Variants in ADCY1 observed in about 807,000 individuals in gnomAD.
The protein encoded by ADCY1 is adenylate cyclase 1, also known as adenylate cyclase type 1.
In ADCY1, 28 loss-of-function variants were observed where a neutral mutation model predicts 105.4. That is an observed-to-expected ratio of 0.27 (90% CI 0.20 to 0.36). The LOEUF is 0.36. ADCY1 is among the 10% of genes least tolerant of loss of function. The pLI, the probability that ADCY1 is intolerant of heterozygous loss-of-function variation, is 1.00. For synonymous variants in ADCY1, 655 were observed against 623.8 expected (o/e 1.05, Z -0.75); for missense variants, 977 against 1,434.2 (o/e 0.68, Z 5.15).
chr7:45,664,363 A>G, intron 8 of ADCY1: 1 of 1,536,050 alleles, frequency 6.5e-7, no homozygotes, highest in Non-Finnish European at 8.7e-7. Flanking sequence ...AACGGGGACG[A>G]CTGTGCACGT....
Position 45,657,899 on chromosome 7 carries a change from G to T in ADCY1, c.1307+14G>T, listed in dbSNP as rs886629273. On this transcript the variant is annotated intron_variant, in intron 6 of 19. Transcript: ENST00000297323. ...TGGCCTGCCAGGGTAAGTCGGGGAT[G>T]GGGTGGGGAGGGGAGGGAGGTGGGT... 2.5e-6 allele frequency: 4 copies of T among 1,578,956 alleles called. No individual in the cohort carries two copies. The highest frequency in any genetic ancestry group is 3.5e-6 in the Non-Finnish European group (4 of 1,156,548).
intron 19 of ADCY1, among the ~76,000 whole-genome samples, chr7:45,711,897 T>TTATATTAAATATATAAATATATTA (rs1379609351): frequency 1.0e-3 from 76 of 73,584 alleles, no homozygotes; most frequent in Non-Finnish European, 1.9e-3. Context: ...TATTTATATA[T>TTATATTAAATATATAAATATATTA]TATATTAAAT....
chr7:45,586,478 A>C lies in ADCY1; in HGVS notation c.640-6281A>C, dbSNP rs1053886913. On this transcript the variant is annotated intron_variant, in intron 1 of 19. Coordinates refer to ENST00000297323, the MANE Select transcript of ADCY1 (RefSeq NM_021116.4). Reference sequence around the variant, plus strand: ...CAAAAGTAGAGAGACCAGCACAGTGATTTCTTGAGTACCCATCACTGGCTC... The same window carrying C: ...CAAAAGTAGAGAGACCAGCACAGTGCTTTCTTGAGTACCCATCACTGGCTC... Among the ~76,000 whole-genome samples the C allele has an allele frequency of 5.9e-5, 9 of 152,348 alleles. No homozygotes were observed. The South Asian group carries it at 1.0e-3, about 18-fold the overall frequency.
At chr7:45,695,604 T>G (rs1224336879) in intron 14 of ADCY1, among the ~76,000 whole-genome samples, 3 of 152,234 alleles carry the variant, frequency 2.0e-5, no homozygotes, top group Non-Finnish European at 4.4e-5. Context: ...AGATTTCATA[T>G]GCATGTGTGG....
At position 45,574,936 on chromosome 7, in the gene ADCY1, C is replaced by G. The variant is rs753381717; in HGVS notation, c.393C>G (p.Leu131=). The change falls in exon 1 of 20, where the codon CTC becomes CTG. Residue 131 remains leucine, a synonymous_variant. Transcript: ENST00000297323. The surrounding 1 kb of genome is among the most constrained non-coding windows in gnomAD (Gnocchi z 7.0). Reference sequence around the variant, plus strand: ...GCCAGCTGGCGCTGCTCTTCAGCCTCACCTTCGCGCTGCTCTGCTGTCCTT... The same window carrying G: ...GCCAGCTGGCGCTGCTCTTCAGCCTGACCTTCGCGCTGCTCTGCTGTCCTT... ...QVGQLALLFS[L]TFALLCCPFA... is the part of the protein sequence containing the mutation. 4.3e-6 allele frequency: 7 copies of G among 1,612,002 alleles called. No individual in the cohort carries two copies. The South Asian group carries it at 7.7e-5, about 18-fold the overall frequency.
intron 4 of ADCY1, among the ~76,000 whole-genome samples, chr7:45,624,745 G>T (rs1471682007): frequency 6.6e-6 from 1 of 152,122 alleles, no homozygotes; most frequent in Non-Finnish European, 1.5e-5. Flanking sequence ...TTGTGTCCTG[G>T]GCCTGCTCCT....
chr7:45,593,961 G>A (rs989793113), intron 2 of ADCY1, among the ~76,000 whole-genome samples: 6 of 152,210 alleles, frequency 3.9e-5, no homozygotes, highest in African/African-American at 1.4e-4. Context: ...ATGTGTCTGT[G>A]TATATGTACA....
At chr7:45,711,989 ATT>A (rs1208505477) in intron 19 of ADCY1, among the ~76,000 whole-genome samples, 14 of 117,642 alleles carry the variant, frequency 1.2e-4, no homozygotes, top group African/African-American at 5.0e-4. Flanking sequence ...TTAAATATAT[ATT>A]TTATATATTA....
In ADCY1 at chr7:45,703,755, G is replaced by A; in HGVS notation, c.2718+9G>A. ...TCGCCGACTTTGACGAGGTGAGGCT[G>A]TGCGTCGCCATCCTGACCCCGCCTG... On this transcript the variant is annotated intron_variant, in intron 16 of 19. Transcript: ENST00000297323. The surrounding 1 kb of genome is among the most constrained non-coding windows in gnomAD (Gnocchi z 5.9). 6.4e-7 allele frequency: 1 copy of A among 1,565,072 alleles called. No individual in the cohort carries two copies. The highest frequency in any genetic ancestry group is 2.3e-5 in the East Asian group (1 of 44,400).
intron 14 of ADCY1, among the ~76,000 whole-genome samples, chr7:45,693,691 A>T (rs1784824668): frequency 6.6e-6 from 1 of 151,336 alleles, no homozygotes; most frequent in Non-Finnish European, 1.5e-5. Context: ...CACTATTCAC[A>T]ATAGCAAAGA....
intron 5 of ADCY1, among the ~76,000 whole-genome samples, chr7:45,653,589 A>G (rs1251063899): frequency 6.6e-6 from 1 of 152,234 alleles, no homozygotes; most frequent in Non-Finnish European, 1.5e-5. Flanking sequence ...CTCTTGGGGC[A>G]GAAAGAAGGG....
intron 19 of ADCY1, among the ~76,000 whole-genome samples, chr7:45,711,243 C>T (rs1785225516): frequency 6.6e-6 from 1 of 152,094 alleles, no homozygotes; most frequent in Non-Finnish European, 1.5e-5. Flanking sequence ...GCCCTTAAAA[C>T]TAAGATGGAG....
intron 2 of ADCY1, among the ~76,000 whole-genome samples, chr7:45,593,216 C>T (rs2115781357): frequency 6.6e-6 from 1 of 152,314 alleles, no homozygotes; most frequent in African/African-American, 2.4e-5. Context: ...GAGGCAGGTC[C>T]TGGCTGGGCC....
chr7:45,620,229 T>C (rs536378961), intron 3 of ADCY1, among the ~76,000 whole-genome samples: 7 of 152,170 alleles, frequency 4.6e-5, no homozygotes, highest in Non-Finnish European at 8.8e-5. Context: ...ATTGTGGTTA[T>C]AGGGTCTTGG....
rs1011198618 is a variant in ADCY1, at chr7:45,716,200, C to A, written c.*2205C>A. On this transcript the variant is annotated 3_prime_UTR_variant, in exon 20 of 20. Transcript: ENST00000297323. ...GGGCCTCTCGCTGCTACTGGGACAT[C>A]CACAGGACCTAATGTTTATGTGGAA... is the stretch of plus-strand genomic sequence containing the variant. The A allele has an allele frequency of 2.6e-5, 4 of 152,488 alleles. No individual in the cohort carries two copies. The highest frequency in any genetic ancestry group is 9.7e-5 in the African/African-American group (4 of 41,422). The allele number at this position is 152,488 out of a possible 1,614,324, so 9.4% of individuals were successfully genotyped here.
chr7:45,678,226 G>A lies in ADCY1; in HGVS notation c.1861G>A (p.Ala621Thr), dbSNP rs978807339. Residue 621 changes from alanine to threonine, a missense_variant, in exon 10 of 20, where the codon GCC becomes ACC. Transcript: ENST00000297323. ...SAVVLTLILAALFGLVYLLIF... is the reference protein window; with the variant it reads ...SAVVLTLILATLFGLVYLLIF... ...CGTTGTCCTCACCCTCATCCTGGCT[G>A]CCTTATTTGGCCTTGTCTACCTTCT... is the stretch of plus-strand genomic sequence containing the variant. The A allele has an allele frequency of 2.5e-6, 4 of 1,614,132 alleles. No individual in the cohort carries two copies. Among genetic ancestry groups the A allele is most frequent in the Non-Finnish European group, 2.5e-6 (3 of 1,180,014 alleles).
intron 11 of ADCY1, among the ~76,000 whole-genome samples, chr7:45,681,782 A>C (rs1784560544): frequency 6.6e-6 from 1 of 152,120 alleles, no homozygotes; most frequent in Non-Finnish European, 1.5e-5. Flanking sequence ...CCAGCAGGGG[A>C]TAGGTCAGGG....
At chr7:45,590,447 C>G (rs1288723589) in intron 1 of ADCY1, among the ~76,000 whole-genome samples, 1 of 152,206 alleles carries the variant, frequency 6.6e-6, no homozygotes, top group Non-Finnish European at 1.5e-5. Context: ...TGGCTTAGCT[C>G]TGGCAGCTCC....
intron 2 of ADCY1, among the ~76,000 whole-genome samples, chr7:45,597,348 T>C (rs558781807): frequency 5.3e-5 from 8 of 152,354 alleles, no homozygotes; most frequent in African/African-American, 1.9e-4. Context: ...TGGATGCTTC[T>C]GTTCCCCAAT....
Sources: allele counts gnomAD v4.1 joint callset (sites outside exome capture counted in the v4.1 genomes callset), GRCh38; gene constraint gnomAD v4.1.1; non-coding constraint Gnocchi (gnomAD v3.1); transcripts MANE v1.5; gene names NCBI Gene and HGNC (gene_info 2026-07-23, HGNC 2026-07-21).